Variants in MAF observed in about 807,000 individuals in gnomAD.
MAF encodes the protein transcription factor Maf.
In MAF, 10 loss-of-function variants were observed where a neutral mutation model predicts 22.0. The observed-to-expected ratio is 0.45, with a 90% confidence interval of 0.28 to 0.77. The LOEUF (loss-of-function observed/expected upper bound fraction) is 0.77, where lower values mean the gene tolerates loss of function less well. Ranked by LOEUF, MAF falls within the 30% of genes least tolerant of loss-of-function variation. The pLI is 0.12. For synonymous variants in MAF, 337 were observed against 255.8 expected (o/e 1.32, Z -3.03); for missense variants, 544 against 548.4 (o/e 0.99, Z 0.08).
At chr16:79,284,924 G>A in the MAF span, among the ~76,000 whole-genome samples, 1 of 152,116 alleles carries the variant, frequency 6.6e-6, no homozygotes, top group African/African-American at 2.4e-5. Flanking sequence ...GTCCAAGCCT[G>A]GATTTCCACG....
chr16:79,211,793 C>T, the MAF span: 3 of 1,614,042 alleles, frequency 1.9e-6, no homozygotes, highest in Non-Finnish European at 2.5e-6. Context: ...GCCAGTCCGG[C>T]TAAGTGGAGC....
chr16:79,551,381 T>C, the MAF span, among the ~76,000 whole-genome samples: 9 of 152,210 alleles, frequency 5.9e-5, no homozygotes, highest in Admixed American at 5.9e-4. Flanking sequence ...TCTTGAATTG[T>C]TTTCATGGCA....
the MAF span, among the ~76,000 whole-genome samples, chr16:79,499,662 A>G: frequency 5.9e-5 from 9 of 152,338 alleles, no homozygotes; most frequent in Admixed American, 5.9e-4. Context: ...AGAAGGCACC[A>G]TCCACGAACT....
chr16:79,222,018 T>C, the MAF span, among the ~76,000 whole-genome samples: 1 of 152,056 alleles, frequency 6.6e-6, no homozygotes, highest in East Asian at 1.9e-4. Flanking sequence ...AAACCGGAGA[T>C]CAATTTAAAT....
the MAF span, chr16:79,211,601 T>G: frequency 6.2e-7 from 1 of 1,614,202 alleles, no homozygotes; most frequent in Non-Finnish European, 8.5e-7. Context: ...TCTTCTTGGA[T>G]TTCCAGCAAC....
the MAF span, among the ~76,000 whole-genome samples, chr16:79,284,825 T>C: frequency 6.6e-6 from 1 of 152,140 alleles, no homozygotes; most frequent in East Asian, 1.9e-4. Context: ...GTGCCTCTTT[T>C]CTGCTCATCT....
At chr16:79,454,085 G>T in the MAF span, among the ~76,000 whole-genome samples, 5 of 152,266 alleles carry the variant, frequency 3.3e-5, no homozygotes, top group African/African-American at 1.2e-4. Context: ...TCATTTAATT[G>T]TTATAGGAAC....
the MAF span, among the ~76,000 whole-genome samples, chr16:79,518,239 C>T: frequency 1.3e-5 from 2 of 152,184 alleles, no homozygotes; most frequent in Non-Finnish European, 2.9e-5. Context: ...ACCCAAGGAA[C>T]ATGAACCTAG....
At chr16:79,251,316 CTTTT>C in the MAF span, among the ~76,000 whole-genome samples, 2 of 131,716 alleles carry the variant, frequency 1.5e-5, no homozygotes, top group African/African-American at 2.9e-5. Flanking sequence ...AAGTCTTTAT[CTTTT>C]TTTTTTTTTT....
the MAF span, among the ~76,000 whole-genome samples, chr16:79,321,897 A>T: frequency 1.3e-5 from 2 of 151,704 alleles, no homozygotes; most frequent in African/African-American, 4.8e-5. Context: ...AGAGACCAAG[A>T]CTTGGTCCTG....
At chr16:79,535,165 C>T in the MAF span, among the ~76,000 whole-genome samples, 1 of 152,142 alleles carries the variant, frequency 6.6e-6, no homozygotes, top group African/African-American at 2.4e-5. Flanking sequence ...GTGGCTTTAA[C>T]TGACAGAGGT....
the MAF span, among the ~76,000 whole-genome samples, chr16:79,557,429 G>C: frequency 3.3e-5 from 5 of 152,128 alleles, no homozygotes; most frequent in East Asian, 9.7e-4. Context: ...TGAGCAAGAA[G>C]AAATAGATCC....
chr16:79,400,474 T>A, the MAF span, among the ~76,000 whole-genome samples: 1 of 152,252 alleles, frequency 6.6e-6, no homozygotes, highest in Non-Finnish European at 1.5e-5. Context: ...GCACAGTGCC[T>A]GGCCTGGTTA....
At chr16:79,403,621 A>G in the MAF span, among the ~76,000 whole-genome samples, 1 of 152,198 alleles carries the variant, frequency 6.6e-6, no homozygotes, top group African/African-American at 2.4e-5. Context: ...CTGACCCACG[A>G]GGCTGGGTTG....
the MAF span, among the ~76,000 whole-genome samples, chr16:79,551,788 T>C: frequency 2.6e-5 from 4 of 152,198 alleles, no homozygotes; most frequent in East Asian, 3.9e-4. Context: ...TTATCTATCA[T>C]CCACGGATGC....
the MAF span, among the ~76,000 whole-genome samples, chr16:79,569,862 A>G: frequency 6.6e-6 from 1 of 152,238 alleles, no homozygotes; most frequent in African/African-American, 2.4e-5. Flanking sequence ...GGCAGGGGTC[A>G]AAGTAAAACA....
the MAF span, among the ~76,000 whole-genome samples, chr16:79,216,963 C>A: frequency 6.6e-6 from 1 of 152,092 alleles, no homozygotes; most frequent in Admixed American, 6.5e-5. Flanking sequence ...GCACCCGCCA[C>A]CATGCCTGGC....
At chr16:79,216,272 C>A in the MAF span, among the ~76,000 whole-genome samples, 1 of 152,060 alleles carries the variant, frequency 6.6e-6, no homozygotes, top group African/African-American at 2.4e-5. Context: ...AATATGTGTG[C>A]CATACATGTA....
chr16:79,216,426 C>G, the MAF span, among the ~76,000 whole-genome samples: 2 of 152,184 alleles, frequency 1.3e-5, no homozygotes, highest in African/African-American at 2.4e-5. Context: ...GATTTTTGAA[C>G]TTTACGATGA....
Sources: allele counts gnomAD v4.1 joint callset (sites outside exome capture counted in the v4.1 genomes callset), GRCh38; gene constraint gnomAD v4.1.1; transcripts MANE v1.5; gene names NCBI Gene and HGNC (gene_info 2026-07-23, HGNC 2026-07-21).